The following ARID5B variants were observed in gnomAD, a reference collection of about 807,000 sequenced individuals.
The protein encoded by ARID5B is AT-rich interaction domain 5B.
Under a neutral mutation model 97.2 loss-of-function variants are expected in ARID5B, and 13 were observed. The ratio of observed to expected loss-of-function variants is 0.13; its 90% CI spans 0.09 to 0.21. The LOEUF (loss-of-function observed/expected upper bound fraction) is 0.21, where lower values mean the gene tolerates loss of function less well. Among genes scored for constraint, ARID5B ranks in the 10% least tolerant of loss-of-function variants. The pLI, the probability that ARID5B is intolerant of heterozygous loss-of-function variation, is 1.00. For synonymous variants in ARID5B, 556 were observed against 570.3 expected (o/e 0.97, Z 0.36); for missense variants, 1,210 against 1,465.3 (o/e 0.83, Z 2.84).
chr10:61,970,262 A>T (rs1054482576), intron 3 of ARID5B, among the ~76,000 whole-genome samples: 1 of 152,258 alleles, frequency 6.6e-6, no homozygotes, highest in African/African-American at 2.4e-5. Flanking sequence ...CGTTCATTGT[A>T]TAATTGTTTT....
chr10:62,083,478 C>T (rs950723909), intron 8 of ARID5B, among the ~76,000 whole-genome samples: 1 of 152,108 alleles, frequency 6.6e-6, no homozygotes, highest in African/African-American at 2.4e-5. Context: ...TGGGGTGTCT[C>T]TCCCACCCAA....
chr10:62,061,716 A>T (rs1040787471), intron 7 of ARID5B, among the ~76,000 whole-genome samples: 1 of 152,160 alleles, frequency 6.6e-6, no homozygotes, highest in South Asian at 2.1e-4. Flanking sequence ...TGGGAAATTT[A>T]TGCCCTCCTT....
intron 3 of ARID5B, among the ~76,000 whole-genome samples, chr10:61,977,219 G>T (rs1280637106): frequency 6.6e-6 from 1 of 152,162 alleles, no homozygotes; most frequent in African/African-American, 2.4e-5. Context: ...AGTATTCCAT[G>T]GTGTATATGT....
rs560339886 is a variant in ARID5B, at chr10:62,060,916, AT to A, written c.1101+1629del. 7.0e-4 allele frequency among the ~76,000 whole-genome samples: 107 copies of A among 152,194 alleles called. 1 individual carries two copies. The highest frequency in any genetic ancestry group is 1.2e-3 in the Non-Finnish European group (81 of 67,988). ...TTGTGTCTTCTGTATCTTCACAAAG[AT>A]TTTTTTTCCATGCAACAGCAAGTTG... On this transcript the variant is annotated intron_variant, in intron 7 of 9. Transcript: ENST00000279873.
intron 3 of ARID5B, among the ~76,000 whole-genome samples, chr10:61,962,524 G>A (rs752612847): frequency 1.1e-4 from 17 of 152,204 alleles, no homozygotes; most frequent in Non-Finnish European, 1.8e-4. Flanking sequence ...AATAGGCCTG[G>A]ATCATTTGCC....
At chr10:62,047,487 T>C (rs533127923) in intron 4 of ARID5B, among the ~76,000 whole-genome samples, 12 of 152,182 alleles carry the variant, frequency 7.9e-5, no homozygotes, top group African/African-American at 2.9e-4. Flanking sequence ...ATGCTATCAG[T>C]AAGGGTACTG....
intron 4 of ARID5B, chr10:62,024,770 G>A (rs1460743999): frequency 2.5e-6 from 1 of 393,208 alleles, no homozygotes; most frequent in Non-Finnish European, 4.5e-6. Flanking sequence ...GGTAGATATT[G>A]ATTGAGTTTC....
rs149611593 is a variant in ARID5B at position 62,006,692 on chromosome 10, C to T, written c.733+6371C>T. ...AAAAGTAGAGCAAGAGAGAAGACCTCCTTGGGCAGAGGCCTCAGAAGCTAG... is the reference window on the plus strand; with the variant it reads ...AAAAGTAGAGCAAGAGAGAAGACCTTCTTGGGCAGAGGCCTCAGAAGCTAG... On this transcript the variant is annotated intron_variant, in intron 4 of 9. Coordinates refer to ENST00000279873, the MANE Select transcript of ARID5B (RefSeq NM_032199.3). 7.2e-5 allele frequency among the ~76,000 whole-genome samples: 11 copies of T among 152,262 alleles called. No homozygotes were observed. The East Asian group carries it at 2.1e-3, about 29-fold the overall frequency.
intron 4 of ARID5B, among the ~76,000 whole-genome samples, chr10:62,042,766 T>A (rs1436437645): frequency 1.3e-5 from 2 of 151,230 alleles, no homozygotes; most frequent in East Asian, 3.9e-4. Flanking sequence ...AAAAAAAAAA[T>A]TAGCTGGGCT....
At position 61,902,173 on chromosome 10, in the gene ARID5B, G is replaced by T; in HGVS notation, c.36G>T (p.Pro12=). 6.2e-7 allele frequency: 1 copy of T among 1,612,664 alleles called. No individual in the cohort carries two copies. The highest frequency in any genetic ancestry group is 8.5e-7 in the Non-Finnish European group (1 of 1,179,892). Residue 12 remains proline, a synonymous_variant, in exon 2 of 10, where the codon CCG becomes CCT. Coordinates refer to ENST00000279873, the MANE Select transcript of ARID5B (RefSeq NM_032199.3). ...CCCCCCTGCAGTGGGTCGGCTCACC[G>T]TGTGGCTTGCACGGACCTTACATTT... The part of the protein sequence containing the change: ...EPNSLQWVGS[P]CGLHGPYIFY...
chr10:61,977,722 T>G (rs1838720470), intron 3 of ARID5B, among the ~76,000 whole-genome samples: 1 of 152,244 alleles, frequency 6.6e-6, no homozygotes, highest in Non-Finnish European at 1.5e-5. Flanking sequence ...TTTTTCCTTG[T>G]AAATTTGTTT....
At position 62,093,651 on chromosome 10, in the gene ARID5B, CTTTTTTTTT is replaced by C. The variant is rs57902062; in HGVS notation, c.*640_*648del. Reference sequence around the variant, plus strand: ...CCATTTTCTCCCAGTTCCTTCTCGTCTTTTTTTTTTTTTTTTTTTTTTTTTTTATTAAAT... The same window carrying C: ...CCATTTTCTCCCAGTTCCTTCTCGTCTTTTTTTTTTTTTTTTTTATTAAAT... On this transcript the variant is annotated 3_prime_UTR_variant, in exon 10 of 10. Coordinates refer to ENST00000279873, the MANE Select transcript of ARID5B (RefSeq NM_032199.3). The C allele has an allele frequency of 2.2e-4, 19 of 86,994 alleles. No homozygotes were observed. The highest frequency in any genetic ancestry group is 6.4e-4 in the African/African-American group (8 of 12,566). The allele number at this position is 86,994 out of a possible 1,614,324, so 5.4% of individuals were successfully genotyped here. A position where few individuals can be genotyped will look rare whatever the true frequency, so the allele number is the denominator to read the frequency against.
intron 7 of ARID5B, among the ~76,000 whole-genome samples, chr10:62,067,721 A>G (rs1489718045): frequency 6.6e-6 from 1 of 152,212 alleles, no homozygotes; most frequent in Non-Finnish European, 1.5e-5. Context: ...AACCATATGG[A>G]TCCTAGTTTT....
intron 3 of ARID5B, among the ~76,000 whole-genome samples, chr10:61,990,161 C>G (rs1354637647): frequency 6.6e-6 from 1 of 152,188 alleles, no homozygotes; most frequent in Non-Finnish European, 1.5e-5. Flanking sequence ...TCCCTTCTTT[C>G]CTTGTTGAGC....
At chr10:62,011,059 A>G (rs1028231771) in intron 4 of ARID5B, among the ~76,000 whole-genome samples, 2 of 152,230 alleles carry the variant, frequency 1.3e-5, no homozygotes, top group Admixed American at 6.5e-5. Context: ...TGATACCCCA[A>G]GGATCCTTTA....
intron 3 of ARID5B, among the ~76,000 whole-genome samples, chr10:61,941,937 T>C (rs1027032792): frequency 6.6e-6 from 1 of 152,258 alleles, no homozygotes; most frequent in Non-Finnish European, 1.5e-5. Flanking sequence ...TTGTGTTACT[T>C]TCCTAATGTA....
At chr10:62,043,675 G>C (rs1486899263) in intron 4 of ARID5B, among the ~76,000 whole-genome samples, 1 of 152,196 alleles carries the variant, frequency 6.6e-6, no homozygotes, top group Non-Finnish European at 1.5e-5. Context: ...GTTTTTAAGT[G>C]TTTCTGAGAA....
chr10:62,005,919 TTGTTCCTGGCCCC>T (rs1321095663), intron 4 of ARID5B, among the ~76,000 whole-genome samples: 9 of 152,224 alleles, frequency 5.9e-5, no homozygotes, highest in South Asian at 4.1e-4. Flanking sequence ...CCAAATGGCT[TTGTTCCTGGCCCC>T]TGTCCACATT....
intron 5 of ARID5B, among the ~76,000 whole-genome samples, chr10:62,052,290 G>C (rs749342182): frequency 1.3e-5 from 2 of 152,202 alleles, no homozygotes; most frequent in African/African-American, 2.4e-5. Flanking sequence ...CTCAGCCCTA[G>C]AACTATCTAC....
Sources: gnomAD v4.1 joint callset for allele counts (sites outside exome capture counted in the v4.1 genomes callset) on GRCh38, gnomAD v4.1.1 for gene constraint, MANE v1.5 for transcripts, NCBI Gene and HGNC (gene_info 2026-07-23, HGNC 2026-07-21) for gene names.